Variants in FAM169A observed in about 807,000 individuals in gnomAD.
The protein encoded by FAM169A is family with sequence similarity 169 member A.
FAM169A carries 24 observed loss-of-function variants against 75.7 expected under a neutral mutation model. The ratio of observed to expected loss-of-function variants is 0.32; its 90% CI spans 0.23 to 0.45. The LOEUF (loss-of-function observed/expected upper bound fraction) is 0.45. FAM169A is among the 20% of genes least tolerant of loss of function. The pLI, the probability that FAM169A is intolerant of heterozygous loss-of-function variation, is 1.00. For synonymous variants in FAM169A, 271 were observed against 271.0 expected, an observed-to-expected ratio of 1.00 and a Z score of 0.00; for missense variants, 673 against 784.0, an observed-to-expected ratio of 0.86 and a Z score of 1.69.
At chr5:74,826,318 ATC>A (rs1748024037) in intron 5 of FAM169A, among the ~76,000 whole-genome samples, 2 of 152,140 alleles carry the variant, frequency 1.3e-5, no homozygotes, top group Admixed American at 1.3e-4. Flanking sequence ...ACCTATGACT[ATC>A]TGTTCATAAT....
In FAM169A at chr5:74,866,279, G is replaced by C. The variant is rs2112772208; in HGVS notation, c.-118C>G. ...CCTCCGGCCGGTCCCAGGCCGCACA[G>C]CTCGCGGCTGCCAGGGCGAGTGCGG... On this transcript the variant is annotated 5_prime_UTR_variant, in exon 1 of 13. Transcript: ENST00000687041. The C allele has an allele frequency of 1.0e-6, 1 of 983,968 alleles. No individual in the cohort carries two copies. The highest frequency in any genetic ancestry group is 1.2e-6 in the Non-Finnish European group (1 of 829,322). 61.0% of individuals were successfully genotyped at this position (983,968 alleles called of 1,614,324 possible). A position where few individuals can be genotyped will look rare whatever the true frequency, so the allele number is the denominator to read the frequency against.
intron 1 of FAM169A, among the ~76,000 whole-genome samples, chr5:74,862,323 G>A (rs1302586366): frequency 6.6e-6 from 1 of 152,092 alleles, no homozygotes; most frequent in African/African-American, 2.4e-5. Flanking sequence ...ACCCACCATG[G>A]GACCTGGGCC....
At chr5:74,798,602 T>C (rs1746397573) in intron 10 of FAM169A, among the ~76,000 whole-genome samples, 8 of 152,242 alleles carry the variant, frequency 5.3e-5, no homozygotes, top group Admixed American at 5.2e-4. Flanking sequence ...TTGACTAAAA[T>C]AATTTGACAG....
At chr5:74,838,307 C>CA (rs1748676159) in intron 4 of FAM169A, among the ~76,000 whole-genome samples, 5 of 152,110 alleles carry the variant, frequency 3.3e-5, no homozygotes, top group Admixed American at 2.6e-4. Context: ...TTATAAATCT[C>CA]ACTCTTCCAG....
chr5:74,833,025 T>G lies in FAM169A; in HGVS notation c.490+1401A>C, dbSNP rs182673116. ...AGAGAAGGAGCCTCAACATGCATAATAAGAAGAGCACACTCCTGCAGTTAA... is the reference window on the plus strand; with the variant it reads ...AGAGAAGGAGCCTCAACATGCATAAGAAGAAGAGCACACTCCTGCAGTTAA... On this transcript the variant is annotated intron_variant, in intron 5 of 12. Transcript: ENST00000687041. 8.5e-5 allele frequency among the ~76,000 whole-genome samples: 13 copies of G among 152,100 alleles called. No homozygotes were observed. The East Asian group carries it at 1.7e-3, about 20-fold the overall frequency.
intron 1 of FAM169A, among the ~76,000 whole-genome samples, chr5:74,849,949 G>A (rs1465673467): frequency 1.3e-5 from 2 of 152,078 alleles, no homozygotes; most frequent in East Asian, 1.9e-4. Flanking sequence ...GGGTTAGGAC[G>A]GCCTATAAAT....
intron 5 of FAM169A, among the ~76,000 whole-genome samples, chr5:74,823,236 C>A (rs1214326286): frequency 1.3e-5 from 2 of 152,170 alleles, no homozygotes; most frequent in African/African-American, 4.8e-5. Flanking sequence ...ACTTGTTAGT[C>A]CCACCACCTT....
chr5:74,805,030 C>A lies in FAM169A; in HGVS notation c.799+126G>T, dbSNP rs1580102468. 4 of 741,300 alleles carry A rather than the reference C, an allele frequency of 5.4e-6. No individual in the cohort carries two copies. The African/African-American group carries it at 7.1e-5, about 13-fold the overall frequency. 45.9% of individuals were successfully genotyped at this position (741,300 alleles called of 1,614,324 possible). The stretch of plus-strand genomic sequence containing the variant: ...AGAACAATCACATTATAATACACTA[C>A]CACTCTGGACTCTAAGACACAACCA... On this transcript the variant is annotated intron_variant, in intron 7 of 12. Coordinates refer to ENST00000687041, the MANE Select transcript of FAM169A (RefSeq NM_001376049.1).
At chr5:74,821,024 G>C (rs530826668) in intron 5 of FAM169A, among the ~76,000 whole-genome samples, 2 of 152,236 alleles carry the variant, frequency 1.3e-5, no homozygotes, top group South Asian at 4.1e-4. Context: ...TTCATTCAGA[G>C]AGACTTCCCC....
intron 1 of FAM169A, among the ~76,000 whole-genome samples, chr5:74,858,811 A>G (rs949589287): frequency 6.6e-6 from 1 of 152,216 alleles, no homozygotes; most frequent in African/African-American, 2.4e-5. Flanking sequence ...TCCACTCATG[A>G]GTATAAATAA....
At chr5:74,825,010 C>G (rs946087753) in intron 5 of FAM169A, among the ~76,000 whole-genome samples, 1 of 152,070 alleles carries the variant, frequency 6.6e-6, no homozygotes, top group Non-Finnish European at 1.5e-5. Context: ...TTTGTTAGAT[C>G]AATTTTCAGT....
intron 1 of FAM169A, among the ~76,000 whole-genome samples, chr5:74,845,460 G>C (rs1749105567): frequency 6.6e-6 from 1 of 152,296 alleles, no homozygotes; most frequent in East Asian, 1.9e-4. Context: ...GGAGGTTGCA[G>C]TGAGCCGAGA....
chr5:74,866,762 T>C, upstream of FAM169A: 1 of 985,510 alleles, frequency 1.0e-6, no homozygotes, highest in Non-Finnish European at 1.2e-6. Context: ...TTCGCAGGAT[T>C]CTGTTCGCAT....
chr5:74,849,913 G>A (rs969729044), intron 1 of FAM169A, among the ~76,000 whole-genome samples: 11 of 152,142 alleles, frequency 7.2e-5, no homozygotes, highest in Non-Finnish European at 1.6e-4. Context: ...TGTTTTCTGG[G>A]AAAGTAAAAA....
chr5:74,817,853 TC>T (rs528080655), intron 5 of FAM169A, among the ~76,000 whole-genome samples: 2 of 152,114 alleles, frequency 1.3e-5, no homozygotes, highest in Non-Finnish European at 2.9e-5. Flanking sequence ...AAATAAACTT[TC>T]GTATTTATGG....
At chr5:74,839,560 T>C (rs113826070) in intron 3 of FAM169A, among the ~76,000 whole-genome samples, 1 of 151,092 alleles carries the variant, frequency 6.6e-6, no homozygotes, top group Non-Finnish European at 1.5e-5. Context: ...GTTTCACTCT[T>C]ATTGTCCAGG....
chr5:74,798,482 T>C (rs991006494), intron 10 of FAM169A, among the ~76,000 whole-genome samples: 1 of 152,162 alleles, frequency 6.6e-6, no homozygotes, highest in Non-Finnish European at 1.5e-5. Flanking sequence ...TATTTCCTTA[T>C]ATCTATCTTT....
intron 5 of FAM169A, among the ~76,000 whole-genome samples, chr5:74,814,866 T>C (rs919360216): frequency 2.0e-5 from 3 of 152,222 alleles, no homozygotes; most frequent in Non-Finnish European, 4.4e-5. Context: ...TTCATAGTTA[T>C]CAGTCATTAT....
At chr5:74,825,716 A>G (rs1272134638) in intron 5 of FAM169A, among the ~76,000 whole-genome samples, 1 of 152,184 alleles carries the variant, frequency 6.6e-6, no homozygotes, top group Non-Finnish European at 1.5e-5. Context: ...TACCCTTGGT[A>G]TCTTAAAGGC....
Sources: allele counts gnomAD v4.1 joint callset (sites outside exome capture counted in the v4.1 genomes callset), GRCh38; gene constraint gnomAD v4.1.1; transcripts MANE v1.5; gene names NCBI Gene and HGNC (gene_info 2026-07-23, HGNC 2026-07-21).